Variants in NELL2 observed in about 807,000 individuals in gnomAD.
NELL2 encodes protein kinase C-binding protein NELL2.
A neutral mutation model predicts 109.6 loss-of-function variants in NELL2; 41 were observed. The observed-to-expected ratio is 0.37, with a 90% CI of 0.29 to 0.49. NELL2 has a LOEUF of 0.49. NELL2 is among the 20% of genes least tolerant of loss of function. The probability of loss-of-function intolerance (pLI) is 0.98; values close to 1 mark genes in which losing one functional copy is unlikely to be tolerated. For synonymous variants in NELL2, 355 were observed against 344.7 expected (o/e 1.03, Z -0.33); for missense variants, 900 against 1,008.3 (o/e 0.89, Z 1.45).
At chr12:44,811,337 T>C (rs976925429) in intron 3 of NELL2, among the ~76,000 whole-genome samples, 1 of 103,184 alleles carries the variant, frequency 9.7e-6, no homozygotes, top group South Asian at 3.5e-4. Flanking sequence ...GAACTAAAAG[T>C]AAAAAAAAAA....
chr12:44,878,012 T>A (rs571946095), upstream of NELL2, among the ~76,000 whole-genome samples: 11 of 152,312 alleles, frequency 7.2e-5, no homozygotes, highest in African/African-American at 2.6e-4. Flanking sequence ...ACGAAATAAA[T>A]TTTAAATAAC....
At chr12:44,687,265 C>T (rs997076984) in intron 12 of NELL2, among the ~76,000 whole-genome samples, 9 of 152,300 alleles carry the variant, frequency 5.9e-5, no homozygotes, top group African/African-American at 1.2e-4. Flanking sequence ...TGCTTTGGCT[C>T]GCCCATGGTG....
rs528740725 is a variant in NELL2 at position 44,527,868 on chromosome 12, C to A, written c.1805-4384G>T. Among the ~76,000 whole-genome samples the A allele has an allele frequency of 4.6e-5, 7 of 151,952 alleles. No homozygotes were observed. In the East Asian group the frequency reaches 1.4e-3, roughly 30 times the overall value. ...CAGCACTTTGGGAGGCCGAGGCGGA[C>A]GGATCACGAGGTCAGGAGACTGAGA... On this transcript the variant is annotated intron_variant, in intron 16 of 19. Transcript: ENST00000429094.
rs752374884 is a variant in NELL2 at position 44,875,242 on chromosome 12, T to A, written c.167A>T (p.Lys56Ile). The A allele has an allele frequency of 6.2e-7, 1 of 1,613,564 alleles. No homozygotes were observed. Among genetic ancestry groups the A allele is most frequent in the East Asian group, 2.2e-5 (1 of 44,878 alleles). ...RQVPGLHNGT[K>I]AFLFQDTPRS... ...GGGCATACCTTGAAAGAGAAAGGCTTTCGTCCCATTATGCAGCCCCGGGAC... is the reference window on the plus strand; with the variant it reads ...GGGCATACCTTGAAAGAGAAAGGCTATCGTCCCATTATGCAGCCCCGGGAC... The change falls in exon 2 of 20, where the codon AAA becomes ATA. Residue 56 changes from lysine to isoleucine, a missense_variant. Transcript: ENST00000429094.
At chr12:44,699,247 A>G (rs1949151126) in intron 12 of NELL2, among the ~76,000 whole-genome samples, 1 of 152,138 alleles carries the variant, frequency 6.6e-6, no homozygotes. Flanking sequence ...ATGGCGATGA[A>G]TATATAATTT....
chr12:44,656,610 A>C (rs1947510230), intron 13 of NELL2, among the ~76,000 whole-genome samples: 1 of 152,226 alleles, frequency 6.6e-6, no homozygotes, highest in Non-Finnish European at 1.5e-5. Flanking sequence ...TTTACAACTA[A>C]AATAACTTTG....
intron 1 of NELL2, among the ~76,000 whole-genome samples, chr12:44,912,706 C>A (rs74710226): frequency 2.0e-5 from 3 of 152,064 alleles, no homozygotes; most frequent in Non-Finnish European, 4.4e-5. Flanking sequence ...TAAAAGTCCA[C>A]GAGCCTTATA....
chr12:44,579,809 GA>G (rs144002970), intron 15 of NELL2, among the ~76,000 whole-genome samples: 7 of 151,734 alleles, frequency 4.6e-5, no homozygotes, highest in Admixed American at 1.3e-4. Context: ...TGTGAGACTA[GA>G]AAAAAAATCT....
In NELL2 at chr12:44,742,051, G is replaced by A. The variant is rs542797990; in HGVS notation, c.995-27310C>T. 4.7e-4 allele frequency among the ~76,000 whole-genome samples: 72 copies of A among 152,288 alleles called. 1 individual carries two copies. Among genetic ancestry groups the A allele is most frequent in the African/African-American group, 1.6e-3 (66 of 41,570 alleles). On this transcript the variant is annotated intron_variant, in intron 9 of 19. Coordinates refer to ENST00000429094, the MANE Select transcript of NELL2 (RefSeq NM_001145108.2). ...TGACCTCCAAGTAGCCTAACTGGGAGGCACCCCCCAGTAGGGGTGGACTGA... is the reference window on the plus strand; with the variant it reads ...TGACCTCCAAGTAGCCTAACTGGGAAGCACCCCCCAGTAGGGGTGGACTGA...
intron 15 of NELL2, among the ~76,000 whole-genome samples, chr12:44,587,887 C>A (rs537073417): frequency 1.3e-5 from 2 of 152,146 alleles, no homozygotes; most frequent in African/African-American, 2.4e-5. Flanking sequence ...CGCAGTGGCT[C>A]ACACCTGTAA....
chr12:44,774,318 A>G (rs1375605847), intron 9 of NELL2, among the ~76,000 whole-genome samples: 1 of 152,166 alleles, frequency 6.6e-6, no homozygotes, highest in Non-Finnish European at 1.5e-5. Flanking sequence ...GGACAATCCT[A>G]TAATAATGTG....
intron 15 of NELL2, among the ~76,000 whole-genome samples, chr12:44,587,962 T>C (rs554824438): frequency 3.0e-4 from 46 of 152,116 alleles, no homozygotes; most frequent in East Asian, 7.8e-4. Context: ...CCATCCTGGC[T>C]AACATGGTGA....
intron 12 of NELL2, among the ~76,000 whole-genome samples, chr12:44,683,850 A>T (rs1168414323): frequency 6.6e-6 from 1 of 152,196 alleles, no homozygotes; most frequent in Non-Finnish European, 1.5e-5. Context: ...TTTTGCATCA[A>T]TGTTCATTAA....
At position 44,628,728 on chromosome 12, in the gene NELL2, A is replaced by T. The variant is rs11182585; in HGVS notation, c.1445-17758T>A. Among the ~76,000 whole-genome samples, 188 of 152,208 alleles carry T rather than the reference A, an allele frequency of 1.2e-3. 3 individuals carry two copies. The East Asian group carries it at 0.026, about 21-fold the overall frequency. On this transcript the variant is annotated intron_variant, in intron 13 of 19. Transcript: ENST00000429094. ...ATAATACTCACCCACTTGCTTAGTT[A>T]CTAATCTGCCTGCTCGCCCCACCCG... is the stretch of plus-strand genomic sequence containing the variant.
intron 9 of NELL2, among the ~76,000 whole-genome samples, chr12:44,743,979 C>A (rs1325134734): frequency 4.6e-5 from 7 of 152,248 alleles, no homozygotes; most frequent in African/African-American, 1.7e-4. Flanking sequence ...CTCTCCACCC[C>A]AAATCAACAG....
chr12:44,790,621 C>T (rs1181358314), intron 3 of NELL2, among the ~76,000 whole-genome samples: 1 of 151,164 alleles, frequency 6.6e-6, no homozygotes, highest in African/African-American at 2.4e-5. Context: ...CCAAAGTACA[C>T]ACGCAACAAA....
intron 12 of NELL2, among the ~76,000 whole-genome samples, chr12:44,679,736 CT>C (rs2136367033): frequency 6.6e-6 from 1 of 152,248 alleles, no homozygotes; most frequent in Non-Finnish European, 1.5e-5. Context: ...TATAAGCCTC[CT>C]GTTGTAGAAA....
intron 13 of NELL2, among the ~76,000 whole-genome samples, chr12:44,624,938 A>G (rs1444203090): frequency 6.7e-6 from 1 of 149,544 alleles, no homozygotes; most frequent in Non-Finnish European, 1.5e-5. Flanking sequence ...ATAATGTGAA[A>G]CTCTTGAGAA....
At chr12:44,638,221 A>T (rs1362912086) in intron 13 of NELL2, among the ~76,000 whole-genome samples, 1 of 152,120 alleles carries the variant, frequency 6.6e-6, no homozygotes, top group Admixed American at 6.6e-5. Flanking sequence ...TTTTAGACTT[A>T]TTCTGTTCCG....
Sources: allele counts gnomAD v4.1 joint callset (sites outside exome capture counted in the v4.1 genomes callset), GRCh38; gene constraint gnomAD v4.1.1; transcripts MANE v1.5; gene names NCBI Gene and HGNC (gene_info 2026-07-23, HGNC 2026-07-21).